The following PSMA4 variants were observed in gnomAD, a reference collection of about 807,000 sequenced individuals.
PSMA4 encodes proteasome 20S subunit alpha 4, also known as proteasome subunit alpha type-4.
Under a neutral mutation model 37.2 loss-of-function variants are expected in PSMA4, and 8 were observed. The ratio of observed to expected loss-of-function variants is 0.22; its 90% confidence interval spans 0.13 to 0.39. The LOEUF is 0.39. Ranked by LOEUF, PSMA4 falls within the 10% of genes least tolerant of loss-of-function variation. The pLI, the probability that PSMA4 is intolerant of heterozygous loss-of-function variation, is 1.00. For synonymous variants in PSMA4, 93 were observed against 98.8 expected, an observed-to-expected ratio of 0.94 and a Z score of 0.35; for missense variants, 169 against 305.1, an observed-to-expected ratio of 0.55 and a Z score of 3.32.
Position 78,549,588 on chromosome 15 carries a change from G to T in PSMA4, c.*644G>T, listed in dbSNP as rs1350367373. 1 of 152,314 alleles carries T rather than the reference G, an allele frequency of 6.6e-6. No homozygotes were observed. The highest frequency in any genetic ancestry group is 1.5e-5 in the Non-Finnish European group (1 of 68,090). 9.4% of individuals were successfully genotyped at this position (152,314 alleles called of 1,614,324 possible). On this transcript the variant is annotated 3_prime_UTR_variant, in exon 9 of 9. Transcript: ENST00000044462. ...CTTGGCTATCTGTGGCTTCATGACA[G>T]AAGTGATACAGGGCAGTGGTACTTA... is the stretch of plus-strand genomic sequence containing the variant.
chr15:78,545,785 A>C (rs768468942), intron 7 of PSMA4, 21 bp downstream of exon 7: 5 of 1,612,116 alleles, frequency 3.1e-6, no homozygotes, highest in Non-Finnish European at 3.4e-6. Context: ...TTGTTGTGCT[A>C]TAAAATCTAG....
rs11414100 is a variant in PSMA4, at chr15:78,543,566, C to CTTT, written c.210-606_210-604dup. Among the ~76,000 whole-genome samples, 732 of 109,654 alleles carry CTTT rather than the reference C, an allele frequency of 6.7e-3. 31 individuals are homozygous for CTTT. Among genetic ancestry groups the CTTT allele is most frequent in the Middle Eastern group, 0.028 (5 of 178 alleles). 71.9% of individuals were successfully genotyped at this position (109,654 alleles called of 152,430 possible). ...TCAAGAGCAGTCTGTCTAGCAAAAT[C>CTTT]TTTTTTTTTTTTTTTTTTTTGAGAC... On this transcript the variant is annotated intron_variant, in intron 4 of 8. Transcript: ENST00000044462.
chr15:78,542,725 C>G, intron 4 of PSMA4, 80 bp downstream of exon 4: 1 of 1,319,460 alleles, frequency 7.6e-7, no homozygotes, highest in Non-Finnish European at 1.0e-6. Flanking sequence ...TGGGAGGGCT[C>G]TTCCGTGCGA....
intron 8 of PSMA4, 24 bp from the exon 9 acceptor site, chr15:78,548,766 A>G (rs2052600774): frequency 6.3e-7 from 1 of 1,595,056 alleles, no homozygotes; most frequent in East Asian, 2.2e-5. Flanking sequence ...TGCAATACAA[A>G]TAAATGTATG....
In PSMA4 at chr15:78,549,152, A is replaced by G; in HGVS notation, c.*208A>G. ...CTTCATGGACGTCTTAATCTTCCAC[A>G]CACATCCCCTTTTTTTGGAATAAAA... On this transcript the variant is annotated 3_prime_UTR_variant, in exon 9 of 9. Coordinates refer to ENST00000044462, the MANE Select transcript of PSMA4 (RefSeq NM_002789.6). The G allele has an allele frequency of 1.5e-6, 1 of 658,834 alleles. No homozygotes were observed. Among genetic ancestry groups the G allele is most frequent in the Non-Finnish European group, 2.1e-6 (1 of 478,752 alleles). The allele number at this position is 658,834 out of a possible 1,614,324, so 40.8% of individuals were successfully genotyped here. A position where few individuals can be genotyped will look rare whatever the true frequency, so the allele number is the denominator to read the frequency against.
Position 78,549,039 on chromosome 15 carries a change from G to A in PSMA4, c.*95G>A. On this transcript the variant is annotated 3_prime_UTR_variant, in exon 9 of 9. Transcript: ENST00000044462. ...GAAGGCTTTACTTTTTTTAACTGGT[G>A]CAGTGGGAAAATAGGACATTACATA... 6.9e-7 allele frequency: 1 copy of A among 1,449,676 alleles called. No individual in the cohort carries two copies. Among genetic ancestry groups the A allele is most frequent in the Non-Finnish European group, 9.1e-7 (1 of 1,102,928 alleles). The allele number at this position is 1,449,676 out of a possible 1,614,324, so 89.8% of individuals were successfully genotyped here. A position where few individuals can be genotyped will look rare whatever the true frequency, so the allele number is the denominator to read the frequency against.
At chr15:78,541,098 C>G (rs2052442713) in intron 1 of PSMA4, 1 of 152,062 alleles carries the variant, frequency 6.6e-6, no homozygotes, top group Non-Finnish European at 1.5e-5. Flanking sequence ...TTCCTGTGGG[C>G]CTTGGGAATC....
At position 78,540,466 on chromosome 15, in the gene PSMA4, G is replaced by C. The variant is rs942591991; in HGVS notation, c.-97G>C. The C allele has an allele frequency of 6.6e-6, 1 of 152,446 alleles. No individual in the cohort carries two copies. Among genetic ancestry groups the C allele is most frequent in the Non-Finnish European group, 1.5e-5 (1 of 68,204 alleles). 9.4% of individuals were successfully genotyped at this position (152,446 alleles called of 1,614,324 possible). A position where few individuals can be genotyped will look rare whatever the true frequency, so the allele number is the denominator to read the frequency against. ...GCCATATTAGCAGCGGTTATTCGGT[G>C]AGCGGTGGTGGTTTATTCTTCCGTG... On this transcript the variant is annotated 5_prime_UTR_variant, in exon 1 of 9. Transcript: ENST00000044462.
intron 6 of PSMA4, 146 bp from the exon 7 acceptor site, chr15:78,545,488 G>A: frequency 1.1e-6 from 1 of 905,418 alleles, no homozygotes; most frequent in South Asian, 1.7e-5. Context: ...TTGTAATGGA[G>A]CTTATCTATG....
In PSMA4 at chr15:78,546,596, C is replaced by A; in HGVS notation, c.529C>A (p.Gln177Lys). ...ATAGGCAGCTGTGTCAATGTTGAAA[C>A]AAGACTATAAAGAAGGAGAAATGAC... ...NSAAAVSMLK[Q>K]DYKEGEMTLK... Residue 177 changes from glutamine (Q) to lysine (K), a missense_variant, in exon 8 of 9, where the codon CAA becomes AAA. Around this residue, in one of 2 missense-constraint regions of PSMA4, gnomAD observed 90 missense variants for 92.7 expected, o/e 0.97. Transcript: ENST00000044462. 1 of 1,592,042 alleles carries A rather than the reference C, an allele frequency of 6.3e-7. No individual in the cohort carries two copies. The highest frequency in any genetic ancestry group is 8.5e-7 in the Non-Finnish European group (1 of 1,174,496).
chr15:78,548,612 C>T (rs936481613), intron 8 of PSMA4, among the ~76,000 whole-genome samples, 178 bp from the exon 9 acceptor site: 16 of 152,122 alleles, frequency 1.1e-4, no homozygotes, highest in African/African-American at 3.9e-4. Context: ...TAAAACATTA[C>T]AAGATCAAAA....
At chr15:78,545,328 C>A (rs1240913588) in intron 6 of PSMA4, among the ~76,000 whole-genome samples, 1 of 152,144 alleles carries the variant, frequency 6.6e-6, no homozygotes, top group Admixed American at 6.5e-5. Flanking sequence ...TGTAGATTAC[C>A]CTCGTTTTAT....
intron 4 of PSMA4, 87 bp from the exon 5 acceptor site, chr15:78,544,103 A>C: frequency 2.1e-6 from 2 of 953,848 alleles, no homozygotes; most frequent in Non-Finnish European, 3.2e-6. Context: ...GTGAATTTCT[A>C]ATAGAAATTA....
rs2052630931 is a variant in PSMA4, at chr15:78,550,710, A to G, written c.*1766A>G. The stretch of plus-strand genomic sequence containing the variant: ...AGAAAAATGCAAAAATAAACGGCAC[A>G]AGGTAGACTGCAGGAACACTTACAC... On this transcript the variant is annotated 3_prime_UTR_variant, in exon 9 of 9. Coordinates refer to ENST00000044462, the MANE Select transcript of PSMA4 (RefSeq NM_002789.6). The G allele has an allele frequency of 6.6e-6, 1 of 151,652 alleles. No individual in the cohort carries two copies. The highest frequency in any genetic ancestry group is 2.4e-5 in the African/African-American group (1 of 40,972). 9.4% of individuals were successfully genotyped at this position (151,652 alleles called of 1,614,324 possible).
Position 78,550,237 on chromosome 15 carries a change from T to A in PSMA4, c.*1293T>A, listed in dbSNP as rs1238270158. ...ATCAACTGATCAGTACATAACCTGTTTTTTGTGTATTTCTACTTAAAGACA... is the reference window on the plus strand; with the variant it reads ...ATCAACTGATCAGTACATAACCTGTATTTTGTGTATTTCTACTTAAAGACA... On this transcript the variant is annotated 3_prime_UTR_variant, in exon 9 of 9. Transcript: ENST00000044462. 1 of 152,226 alleles carries A rather than the reference T, an allele frequency of 6.6e-6. No individual in the cohort carries two copies. Among genetic ancestry groups the A allele is most frequent in the African/African-American group, 2.4e-5 (1 of 41,458 alleles). 9.4% of individuals were successfully genotyped at this position (152,226 alleles called of 1,614,324 possible). A position where few individuals can be genotyped will look rare whatever the true frequency, so the allele number is the denominator to read the frequency against.
At position 78,551,324 on chromosome 15, in the gene PSMA4, TCCTC is replaced by T. The variant is rs534115341; in HGVS notation, c.*2381_*2384del. The T allele has an allele frequency of 1.3e-5, 2 of 152,302 alleles. No homozygotes were observed. The highest frequency in any genetic ancestry group is 2.1e-4 in the South Asian group (1 of 4,818). The allele number at this position is 152,302 out of a possible 1,614,324, so 9.4% of individuals were successfully genotyped here. On this transcript the variant is annotated 3_prime_UTR_variant, in exon 9 of 9. Transcript: ENST00000044462. ...TTGTGCTACCTTCCATGTGCTTCCT[TCCTC>T]ACTCATTCATCCAAATGAGCCTTCT...
At chr15:78,548,255 G>A (rs759816617) in intron 8 of PSMA4, among the ~76,000 whole-genome samples, 1 of 151,862 alleles carries the variant, frequency 6.6e-6, no homozygotes, top group Non-Finnish European at 1.5e-5. Flanking sequence ...AAAAGAAAAT[G>A]TCATTTACAT....
intron 6 of PSMA4, 56 bp downstream of exon 6, chr15:78,545,013 T>C (rs1263056480): frequency 5.4e-6 from 7 of 1,304,690 alleles, no homozygotes; most frequent in African/African-American, 4.5e-5. Context: ...TTATGAGTTA[T>C]AACCCTTTTG....
intron 6 of PSMA4, among the ~76,000 whole-genome samples, 172 bp from the exon 7 acceptor site, chr15:78,545,462 G>A (rs1873570577): frequency 6.6e-6 from 1 of 152,302 alleles, no homozygotes; most frequent in African/African-American, 2.4e-5. Context: ...CCAAATCGTA[G>A]AAACAAAAGT....
Sources: allele counts gnomAD v4.1 joint callset (sites outside exome capture counted in the v4.1 genomes callset), GRCh38; gene constraint gnomAD v4.1.1; regional missense constraint gnomAD v4.1.1; transcripts MANE v1.5; gene names NCBI Gene and HGNC (gene_info 2026-07-23, HGNC 2026-07-21).